The following ZNF208 variants were observed in gnomAD, a reference collection of about 807,000 sequenced individuals.
ZNF208 encodes the protein zinc finger protein 208.
ZNF208 carries 10 observed loss-of-function variants against 12.1 expected under a neutral mutation model. The observed-to-expected ratio is 0.83, with a 90% CI of 0.51 to 1.40. The LOEUF (loss-of-function observed/expected upper bound fraction) is 1.40. Ranked by LOEUF, ZNF208 falls within the 40% of genes most tolerant of loss-of-function variation. ZNF208 has a pLI of 0.00. For synonymous variants in ZNF208, 497 were observed against 488.4 expected, an observed-to-expected ratio of 1.02 and a Z score of -0.23; for missense variants, 1,652 against 1,485.0, an observed-to-expected ratio of 1.11 and a Z score of -1.85.
chr19:21,989,781 G>A (rs1970697775), intron 1 of ZNF208, among the ~76,000 whole-genome samples: 1 of 152,146 alleles, frequency 6.6e-6, no homozygotes, highest in African/African-American at 2.4e-5. Context: ...CATTCTAACT[G>A]GTGTGAGATG....
At chr19:21,963,890 A>T (rs1599607953), downstream of ZNF208, among the ~76,000 whole-genome samples, 1 of 151,948 alleles carries the variant, frequency 6.6e-6, no homozygotes, top group Non-Finnish European at 1.5e-5. Context: ...AAGAGTAAAA[A>T]ATTTCAAATA....
chr19:21,948,492 C>G lies in ZNF208; in HGVS notation c.306-15255G>C, dbSNP rs568180152. On this transcript the variant is annotated intron_variant, in intron 4 of 4. Transcript: ENST00000599916. ...CCTCACCAGCCTCCCATATTTTGGG[C>G]CCCCAATACCCATATATCATCAGCT... Among the ~76,000 whole-genome samples the G allele has an allele frequency of 2.7e-3, 416 of 152,224 alleles. 2 individuals carry two copies. The highest frequency in any genetic ancestry group is 9.4e-3 in the African/African-American group (392 of 41,550).
At chr19:22,003,167 T>C (rs1436353990) in intron 1 of ZNF208, among the ~76,000 whole-genome samples, 1 of 152,052 alleles carries the variant, frequency 6.6e-6, no homozygotes, top group Non-Finnish European at 1.5e-5. Context: ...TATAACACCA[T>C]ATAAAAAAAT....
chr19:21,984,789 T>C (rs1046920434), intron 3 of ZNF208, among the ~76,000 whole-genome samples: 7 of 152,088 alleles, frequency 4.6e-5, no homozygotes, highest in Admixed American at 1.3e-4. Context: ...CCCAACAATC[T>C]TAAAATAATA....
At chr19:21,957,149 C>T (rs1314706100) in intron 4 of ZNF208, among the ~76,000 whole-genome samples, 1 of 152,160 alleles carries the variant, frequency 6.6e-6, no homozygotes, top group Non-Finnish European at 1.5e-5. Flanking sequence ...AAGTGATTCT[C>T]CTGCCTCAGC....
chr19:21,961,983 G>T (rs1482075817), downstream of ZNF208, among the ~76,000 whole-genome samples: 1 of 152,108 alleles, frequency 6.6e-6, no homozygotes, highest in Non-Finnish European at 1.5e-5. Context: ...GAAGATAACA[G>T]GATTAAGAGA....
intron 1 of ZNF208, among the ~76,000 whole-genome samples, chr19:21,997,257 C>T (rs1287813502): frequency 6.6e-6 from 1 of 152,184 alleles, no homozygotes; most frequent in African/African-American, 2.4e-5. Flanking sequence ...CCATGTCATA[C>T]ATAGTTCATC....
chr19:21,987,211 C>T lies in ZNF208; in HGVS notation c.226+5G>A. ...TCCATGTTGTCTGTATTCACTCTCA[C>T]CTACCTGGGGATTCTTCCACCATCT... On this transcript the variant is annotated splice_donor_5th_base_variant and intron_variant, in intron 3 of 3. Coordinates refer to ENST00000397126, the MANE Select transcript of ZNF208 (RefSeq NM_007153.3). 1 of 1,609,342 alleles carries T rather than the reference C, an allele frequency of 6.2e-7. No homozygotes were observed. The highest frequency in any genetic ancestry group is 8.5e-7 in the Non-Finnish European group (1 of 1,178,168).
At chr19:21,964,238 T>G (rs566568580), downstream of ZNF208, among the ~76,000 whole-genome samples, 1 of 151,888 alleles carries the variant, frequency 6.6e-6, no homozygotes, top group Non-Finnish European at 1.5e-5. Context: ...CATACACATA[T>G]ATACATTTTA....
chr19:21,973,034 C>A lies in ZNF208; in HGVS notation c.2000G>T (p.Cys667Phe). 6.2e-7 allele frequency: 1 copy of A among 1,613,506 alleles called. No homozygotes were observed. The highest frequency in any genetic ancestry group is 8.5e-7 in the Non-Finnish European group (1 of 1,179,812). ...ACTAAAGGCTTTGCCACATTCTTTA[C>A]ATTTGTAGGGCTTCTCTCCAGCATG... ...AIHAGEKPYK[C>F]KECGKAFSKF... Residue 667 changes from cysteine to phenylalanine, a missense_variant, in exon 4 of 4, where the codon TGT (cysteine) becomes TTT (phenylalanine). Physicochemically the swap from Cys to Phe is radical, Grantham distance 205 (BLOSUM62 -2). This residue lies in a region of ZNF208 where 1,239 missense variants were observed against 1,086.2 expected (regional missense o/e 1.14). Transcript: ENST00000397126.
chr19:21,952,262 A>G (rs1251926434), intron 4 of ZNF208, among the ~76,000 whole-genome samples: 2 of 152,232 alleles, frequency 1.3e-5, no homozygotes, highest in Non-Finnish European at 2.9e-5. Flanking sequence ...CTGCAGATTT[A>G]TATGTTCCTG....
At chr19:21,955,987 G>T (rs1434255334) in intron 4 of ZNF208, among the ~76,000 whole-genome samples, 2 of 152,154 alleles carry the variant, frequency 1.3e-5, no homozygotes, top group Non-Finnish European at 2.9e-5. Flanking sequence ...TTTGGTCTTT[G>T]ATGATGGTGA....
chr19:21,957,909 T>C (rs1266923929), intron 4 of ZNF208, among the ~76,000 whole-genome samples: 3 of 152,026 alleles, frequency 2.0e-5, no homozygotes, highest in Non-Finnish European at 2.9e-5. Flanking sequence ...TATGTATACA[T>C]GTGCCATGCT....
At chr19:21,975,823 CAAAAAAAAA>C (rs532995268) in intron 3 of ZNF208, among the ~76,000 whole-genome samples, 1,574 of 26,470 alleles carry the variant, frequency 0.059, 68 homozygotes, top group African/African-American at 0.19. Flanking sequence ...AGTCAAAGTC[CAAAAAAAAA>C]AAAAAAAAAA....
intron 1 of ZNF208, among the ~76,000 whole-genome samples, chr19:22,002,913 A>C (rs1211585324): frequency 6.6e-6 from 1 of 152,226 alleles, no homozygotes; most frequent in Non-Finnish European, 1.5e-5. Context: ...CAAAAACAAC[A>C]AAGCTGAAGG....
intron 1 of ZNF208, among the ~76,000 whole-genome samples, chr19:21,992,378 C>A (rs1970756406): frequency 6.6e-6 from 1 of 152,190 alleles, no homozygotes; most frequent in Non-Finnish European, 1.5e-5. Context: ...ATGGAAAGTT[C>A]AAGATACAGA....
At chr19:21,986,915 G>A in intron 3 of ZNF208, 2 of 415,006 alleles carry the variant, frequency 4.8e-6, no homozygotes, top group Non-Finnish European at 8.4e-6. Context: ...AGATATCTGT[G>A]TGTCCACAAA....
In ZNF208 at chr19:21,968,615, C is replaced by T. The variant is rs866236085; in HGVS notation, c.*2576G>A. 25 of 152,138 alleles carry T rather than the reference C, an allele frequency of 1.6e-4. No homozygotes were observed. The highest frequency in any genetic ancestry group is 4.1e-4 in the African/African-American group (17 of 41,516). The allele number at this position is 152,138 out of a possible 1,614,324, so 9.4% of individuals were successfully genotyped here. ...AGTATTTCATGGAGGATTATTATTCCAATATTCACCCAGAATATTGACCTG... is the reference window on the plus strand; with the variant it reads ...AGTATTTCATGGAGGATTATTATTCTAATATTCACCCAGAATATTGACCTG... On this transcript the variant is annotated 3_prime_UTR_variant, in exon 4 of 4. Transcript: ENST00000397126.
intron 1 of ZNF208, among the ~76,000 whole-genome samples, chr19:22,006,282 A>C (rs977735799): frequency 6.6e-6 from 1 of 152,156 alleles, no homozygotes; most frequent in Admixed American, 6.5e-5. Flanking sequence ...CCTAGGAAAA[A>C]AAGCCCTTTT....
Sources: allele counts gnomAD v4.1 joint callset (sites outside exome capture counted in the v4.1 genomes callset), GRCh38; gene constraint gnomAD v4.1.1; regional missense constraint gnomAD v4.1.1; transcripts MANE v1.5; gene names NCBI Gene and HGNC (gene_info 2026-07-23, HGNC 2026-07-21).